The following SNX25 variants were observed in gnomAD, a reference collection of about 807,000 sequenced individuals.
SNX25 encodes the protein sorting nexin-25.
A neutral mutation model predicts 113.7 loss-of-function variants in SNX25; 62 were observed. The ratio of observed to expected loss-of-function variants is 0.55; its 90% CI spans 0.44 to 0.67. The LOEUF is 0.67. SNX25 is among the 30% of genes least tolerant of loss of function. The pLI is 0.00. For missense variants in SNX25, 1,014 were observed against 1,161.0 expected (o/e 0.87, Z 1.84); for synonymous variants, 421 against 436.2 (o/e 0.97, Z 0.43).
intron 10 of SNX25, among the ~76,000 whole-genome samples, chr4:185,336,489 A>G (rs1432585833): frequency 6.6e-6 from 1 of 152,230 alleles, no homozygotes; most frequent in Non-Finnish European, 1.5e-5. Context: ...GTTGCTGTGA[A>G]GGCCATTATT....
chr4:185,225,425 G>GT (rs1740852276), intron 1 of SNX25, among the ~76,000 whole-genome samples: 1 of 152,154 alleles, frequency 6.6e-6, no homozygotes, highest in Non-Finnish European at 1.5e-5. Flanking sequence ...CACCCGGCCA[G>GT]TATATTCTCT....
chr4:185,349,333 C>T (rs1388731143), intron 13 of SNX25, among the ~76,000 whole-genome samples: 2 of 152,186 alleles, frequency 1.3e-5, no homozygotes, highest in Non-Finnish European at 2.9e-5. Context: ...TAAGTTGATG[C>T]CATGTCTTGC....
chr4:185,247,451 T>C (rs769272589), intron 2 of SNX25, 73 bp downstream of exon 2: 121 of 1,136,652 alleles, frequency 1.1e-4, no homozygotes, highest in Non-Finnish European at 1.5e-4. Flanking sequence ...AATAATAATC[T>C]CCAGCAAATT....
chr4:185,341,216 C>T (rs1253193881), intron 11 of SNX25, among the ~76,000 whole-genome samples: 1 of 152,214 alleles, frequency 6.6e-6, no homozygotes, highest in Non-Finnish European at 1.5e-5. Flanking sequence ...TGTGTATGTG[C>T]ACGTGTGCAC....
At chr4:185,239,836 C>CT (rs1019943718) in intron 1 of SNX25, among the ~76,000 whole-genome samples, 10 of 138,774 alleles carry the variant, frequency 7.2e-5, no homozygotes, top group African/African-American at 2.7e-4. Context: ...TTGGCAGGGT[C>CT]ACAGGACAAT....
chr4:185,253,437 A>G (rs1314786946), intron 2 of SNX25, among the ~76,000 whole-genome samples: 4 of 150,902 alleles, frequency 2.7e-5, no homozygotes, highest in Non-Finnish European at 5.9e-5. Flanking sequence ...TTAATGTTAC[A>G]TGTACATTTC....
intron 14 of SNX25, among the ~76,000 whole-genome samples, chr4:185,352,326 T>G (rs2095319695): frequency 2.0e-5 from 3 of 152,166 alleles, no homozygotes; most frequent in Admixed American, 1.3e-4. Context: ...TGCTACTGCC[T>G]CTTCACCAGA....
the SNX25 span, chr4:185,377,262 A>T: frequency 1.4e-5 from 6 of 426,452 alleles, no homozygotes; most frequent in African/African-American, 1.2e-4. Context: ...TCACGCCTGT[A>T]AATCTCAGCA....
downstream of SNX25, among the ~76,000 whole-genome samples, chr4:185,368,730 T>G (rs2095401800): frequency 6.6e-6 from 1 of 152,130 alleles, no homozygotes; most frequent in Non-Finnish European, 1.5e-5. Flanking sequence ...GTATCCTAGT[T>G]GCAGAGTAAT....
At chr4:185,245,017 C>T (rs940979959) in intron 1 of SNX25, among the ~76,000 whole-genome samples, 1 of 152,064 alleles carries the variant, frequency 6.6e-6, no homozygotes, top group African/African-American at 2.4e-5. Flanking sequence ...GGTCTGGCCT[C>T]TGCTTGAGAA....
chr4:185,286,640 C>T (rs956318050), intron 5 of SNX25, among the ~76,000 whole-genome samples: 1 of 152,164 alleles, frequency 6.6e-6, no homozygotes, highest in Non-Finnish European at 1.5e-5. Context: ...GGGAAGAAAG[C>T]TAGTCTTTTT....
chr4:185,283,345 A>C (rs1308945338), intron 5 of SNX25, among the ~76,000 whole-genome samples: 19 of 152,346 alleles, frequency 1.2e-4, no homozygotes, highest in Non-Finnish European at 4.4e-5. Context: ...TGGAGTGTTT[A>C]ATAAGAGTTA....
intron 5 of SNX25, among the ~76,000 whole-genome samples, chr4:185,267,718 G>A (rs1343254920): frequency 6.7e-6 from 1 of 149,796 alleles, no homozygotes; most frequent in East Asian, 1.9e-4. Flanking sequence ...GTGACAGAGT[G>A]AGACTCCTTC....
chr4:185,283,152 C>A (rs1302254889), intron 5 of SNX25, among the ~76,000 whole-genome samples: 1 of 152,134 alleles, frequency 6.6e-6, no homozygotes, highest in African/African-American at 2.4e-5. Flanking sequence ...TTGGATTCCA[C>A]CCCCTGCTGT....
intron 11 of SNX25, among the ~76,000 whole-genome samples, chr4:185,369,306 C>T (rs1186447014): frequency 6.9e-6 from 1 of 144,714 alleles, no homozygotes; most frequent in Non-Finnish European, 1.5e-5. Context: ...GCAACCTCTG[C>T]TCCCAGGTTG....
intron 1 of SNX25, among the ~76,000 whole-genome samples, chr4:185,212,610 G>T (rs1738127978): frequency 6.6e-6 from 1 of 151,620 alleles, no homozygotes; most frequent in Non-Finnish European, 1.5e-5. Context: ...CTCCCAAAGG[G>T]CTAGAATTAT....
chr4:185,249,600 TG>T (rs1275200233), intron 2 of SNX25, among the ~76,000 whole-genome samples: 1 of 152,188 alleles, frequency 6.6e-6, no homozygotes, highest in Non-Finnish European at 1.5e-5. Context: ...TTTTCAAGTT[TG>T]ATAAAGTCCA....
At chr4:185,239,242 G>A (rs1021670930) in intron 1 of SNX25, among the ~76,000 whole-genome samples, 16 of 130,472 alleles carry the variant, frequency 1.2e-4, no homozygotes, top group East Asian at 2.3e-4. Context: ...AGCACTTTGG[G>A]AGGCCAAGGC....
chr4:185,322,456 A>G (rs1466618231), intron 8 of SNX25, among the ~76,000 whole-genome samples: 1 of 152,146 alleles, frequency 6.6e-6, no homozygotes, highest in African/African-American at 2.4e-5. Flanking sequence ...AAGCACCAAG[A>G]GCATATTGTA....
Sources: allele counts gnomAD v4.1 joint callset (sites outside exome capture counted in the v4.1 genomes callset), GRCh38; gene constraint gnomAD v4.1.1; transcripts MANE v1.5; gene names NCBI Gene and HGNC (gene_info 2026-07-23, HGNC 2026-07-21).